Variants in GPR158 observed in about 807,000 individuals in gnomAD.
GPR158 encodes metabotropic glycine receptor.
GPR158 carries 30 observed loss-of-function variants against 78.2 expected under a neutral mutation model. The observed-to-expected ratio is 0.38, with a 90% CI of 0.29 to 0.52. The LOEUF (loss-of-function observed/expected upper bound fraction) is 0.52, where lower values mean the gene tolerates loss of function less well. Among genes scored for constraint, GPR158 ranks in the 20% least tolerant of loss-of-function variants. The pLI is 0.83. For missense variants in GPR158, 1,463 were observed against 1,523.5 expected, an observed-to-expected ratio of 0.96 and a Z score of 0.66; for synonymous variants, 581 against 591.1, an observed-to-expected ratio of 0.98 and a Z score of 0.25.
chr10:25,250,140 T>G (rs989321428), intron 2 of GPR158, among the ~76,000 whole-genome samples: 1 of 124,460 alleles, frequency 8.0e-6, no homozygotes, highest in East Asian at 2.4e-4. Flanking sequence ...TTTGTATTTC[T>G]GTGGGATCGG....
rs138095913 is a variant in GPR158 at position 25,273,037 on chromosome 10, C to T, written c.1008+51880C>T. ...CAAAAGTCACACAATTAGTTCGTGG[C>T]ACCTGGGACTATAATCCAGATACTC... On this transcript the variant is annotated intron_variant, in intron 2 of 10. Coordinates refer to ENST00000376351, the MANE Select transcript of GPR158 (RefSeq NM_020752.3). Among the ~76,000 whole-genome samples the T allele has an allele frequency of 1.4e-3, 216 of 152,282 alleles. 1 individual carries two copies. Among genetic ancestry groups the T allele is most frequent in the African/African-American group, 5.1e-3 (212 of 41,534 alleles).
rs1837496232 is a variant in GPR158, at chr10:25,601,430, G to A, written c.*2156G>A. ...TTGTGAACTGGGTTGGAAGTTCCTA[G>A]ACCCACATATTTGTTTCATTTATGT... On this transcript the variant is annotated 3_prime_UTR_variant, in exon 11 of 11. Coordinates refer to ENST00000376351, the MANE Select transcript of GPR158 (RefSeq NM_020752.3). The A allele has an allele frequency of 6.6e-6, 1 of 152,558 alleles. No individual in the cohort carries two copies. Among genetic ancestry groups the A allele is most frequent in the Non-Finnish European group, 1.5e-5 (1 of 68,020 alleles). The allele number at this position is 152,558 out of a possible 1,614,324, so 9.5% of individuals were successfully genotyped here.
intron 2 of GPR158, among the ~76,000 whole-genome samples, chr10:25,268,697 C>T (rs1002569038): frequency 6.6e-6 from 1 of 152,160 alleles, no homozygotes; most frequent in African/African-American, 2.4e-5. Context: ...CTATAGTCCA[C>T]ATGGAAGTGG....
At chr10:25,245,522 A>T (rs187647180) in intron 2 of GPR158, among the ~76,000 whole-genome samples, 1 of 152,168 alleles carries the variant, frequency 6.6e-6, no homozygotes, top group Non-Finnish European at 1.5e-5. Context: ...TCTGTTGTGT[A>T]TGAGTGTGTG....
intron 2 of GPR158, among the ~76,000 whole-genome samples, chr10:25,354,403 A>C (rs1855519426): frequency 6.6e-6 from 1 of 151,826 alleles, no homozygotes; most frequent in Admixed American, 6.6e-5. Flanking sequence ...ACCTTAGACC[A>C]CAAAGAAAAG....
At chr10:25,184,823 A>G (rs1482822699) in intron 1 of GPR158, among the ~76,000 whole-genome samples, 3 of 152,232 alleles carry the variant, frequency 2.0e-5, no homozygotes, top group East Asian at 1.9e-4. Context: ...TTTAAATGCA[A>G]TTGTGAAGAT....
intron 2 of GPR158, among the ~76,000 whole-genome samples, chr10:25,261,918 C>T (rs141143287): frequency 1.2e-4 from 18 of 152,198 alleles, no homozygotes; most frequent in Non-Finnish European, 2.2e-4. Flanking sequence ...GTTACTAAAA[C>T]GCTGTTTTAT....
intron 2 of GPR158, among the ~76,000 whole-genome samples, chr10:25,342,281 C>A (rs1391815189): frequency 1.3e-5 from 2 of 151,098 alleles, no homozygotes; most frequent in African/African-American, 4.9e-5. Context: ...CACTGACTTT[C>A]CATGTCTGCT....
rs570953346 is a variant in GPR158, at chr10:25,230,788, A to G, written c.1008+9631A>G. On this transcript the variant is annotated intron_variant, in intron 2 of 10. Transcript: ENST00000376351. The stretch of plus-strand genomic sequence containing the variant: ...AAGGCACATTTTAAAATAGTAGATT[A>G]TAAATTTGAATGTCACGGTTATTCA... Among the ~76,000 whole-genome samples the G allele has an allele frequency of 5.9e-5, 9 of 152,358 alleles. No individual in the cohort carries two copies. The South Asian group carries it at 1.9e-3, about 32-fold the overall frequency.
At chr10:25,491,172 A>G (rs1198771545) in intron 5 of GPR158, among the ~76,000 whole-genome samples, 2 of 152,188 alleles carry the variant, frequency 1.3e-5, no homozygotes, top group Non-Finnish European at 2.9e-5. Context: ...AAGCTTTTCT[A>G]TAGATCTTTG....
At chr10:25,235,771 A>C (rs966096384) in intron 2 of GPR158, among the ~76,000 whole-genome samples, 76 of 149,604 alleles carry the variant, frequency 5.1e-4, no homozygotes, top group African/African-American at 1.8e-3. Flanking sequence ...ATCTCAGTTA[A>C]CTGCAAGTTC....
At position 25,557,208 on chromosome 10, in the gene GPR158, A is replaced by G. The variant is rs1836797315; in HGVS notation, c.1514+6123A>G. On this transcript the variant is annotated intron_variant, in intron 6 of 10. Transcript: ENST00000376351. ...GAAACTCTGTGTAGTTATGGGTCTT[A>G]GTTTTACAAACCCTACCTATTTGTC... Among the ~76,000 whole-genome samples the G allele has an allele frequency of 2.0e-5, 3 of 152,350 alleles. No homozygotes were observed. The South Asian group carries it at 6.2e-4, about 32-fold the overall frequency.
chr10:25,338,892 C>T (rs570182375), intron 2 of GPR158, among the ~76,000 whole-genome samples: 1 of 151,756 alleles, frequency 6.6e-6, no homozygotes, highest in South Asian at 2.1e-4. Flanking sequence ...GTCTCCTAAG[C>T]CATCAACATT....
intron 5 of GPR158, among the ~76,000 whole-genome samples, chr10:25,516,336 T>C (rs1836172603): frequency 6.6e-6 from 1 of 150,780 alleles, no homozygotes; most frequent in East Asian, 2.0e-4. Flanking sequence ...TTCACTCTGA[T>C]GGTAGTTTCT....
intron 6 of GPR158, among the ~76,000 whole-genome samples, chr10:25,564,040 G>A (rs1344630882): frequency 2.0e-5 from 3 of 151,930 alleles, no homozygotes; most frequent in African/African-American, 7.3e-5. Flanking sequence ...AGGCTGGTTT[G>A]TTAAGTGACT....
chr10:25,195,356 C>T (rs972079598), intron 1 of GPR158, among the ~76,000 whole-genome samples: 3 of 152,046 alleles, frequency 2.0e-5, no homozygotes, highest in African/African-American at 7.2e-5. Context: ...CAGGCATGCA[C>T]CACCACACTG....
At chr10:25,456,772 A>T (rs996268694) in intron 4 of GPR158, among the ~76,000 whole-genome samples, 2 of 149,876 alleles carry the variant, frequency 1.3e-5, no homozygotes, top group Non-Finnish European at 2.9e-5. Context: ...TTATGTTTTT[A>T]AAAAAATGAT....
At chr10:25,199,079 G>A (rs1852883995) in intron 1 of GPR158, among the ~76,000 whole-genome samples, 1 of 151,256 alleles carries the variant, frequency 6.6e-6, no homozygotes, top group South Asian at 2.1e-4. Context: ...TATCAAACAT[G>A]CTTGGTTGAA....
rs1220096889 is a variant in GPR158 at position 25,247,679 on chromosome 10, T to A, written c.1008+26522T>A. ...TTTATGGCTGCATAGTATTCCATGG[T>A]GTATATGTGCCACATTTTCTTAATC... On this transcript the variant is annotated intron_variant, in intron 2 of 10. Coordinates refer to ENST00000376351, the MANE Select transcript of GPR158 (RefSeq NM_020752.3). Among the ~76,000 whole-genome samples the A allele has an allele frequency of 2.0e-5, 3 of 151,066 alleles. No individual in the cohort carries two copies. The East Asian group carries it at 5.8e-4, about 29-fold the overall frequency.
Sources: allele counts gnomAD v4.1 joint callset (sites outside exome capture counted in the v4.1 genomes callset), GRCh38; gene constraint gnomAD v4.1.1; transcripts MANE v1.5; gene names NCBI Gene and HGNC (gene_info 2026-07-23, HGNC 2026-07-21).